The following PIEZO2 variants were observed in gnomAD, a reference collection of about 807,000 sequenced individuals.
The protein encoded by PIEZO2 is piezo-type mechanosensitive ion channel component 2.
A neutral mutation model predicts 337.3 loss-of-function variants in PIEZO2; 172 were observed. That is an observed-to-expected ratio of 0.51 (90% confidence interval 0.45 to 0.58). The LOEUF is 0.58. Ranked by LOEUF, PIEZO2 falls within the 20% of genes least tolerant of loss-of-function variation. The probability of loss-of-function intolerance (pLI) is 0.00; values close to 1 mark genes in which losing one functional copy is unlikely to be tolerated. For synonymous variants in PIEZO2, 1,251 were observed against 1,228.5 expected (o/e 1.02, Z -0.38); for missense variants, 3,028 against 3,391.3 (o/e 0.89, Z 2.66).
intron 35 of PIEZO2, among the ~76,000 whole-genome samples, chr18:10,734,626 T>C (rs1346076620): frequency 6.6e-6 from 1 of 152,230 alleles, no homozygotes; most frequent in Non-Finnish European, 1.5e-5. Context: ...CATAGGTAGC[T>C]GAATAACTTC....
intron 45 of PIEZO2, 146 bp downstream of exon 45, chr18:10,697,602 A>C: frequency 9.2e-7 from 1 of 1,081,882 alleles, no homozygotes; most frequent in East Asian, 2.6e-5. Flanking sequence ...AAAACAAGAC[A>C]AAAAGGGGTA....
chr18:11,085,506 C>T (rs2038879320), intron 1 of PIEZO2, among the ~76,000 whole-genome samples: 1 of 152,290 alleles, frequency 6.6e-6, no homozygotes, highest in East Asian at 1.9e-4. Flanking sequence ...CATTTGCTGA[C>T]CAAGCTTCTC....
At position 10,929,699 on chromosome 18, in the gene PIEZO2, A is replaced by G. The variant is rs965798579; in HGVS notation, c.287-18471T>C. On this transcript the variant is annotated intron_variant, in intron 3 of 55. Transcript: ENST00000674853. The surrounding 1 kb of genome is among the most constrained non-coding windows in gnomAD (Gnocchi z 5.6). ...AGTGTTTAATGGAGTTTGATACAAT[A>G]GAGCAGATGGACGGAATGTTAGAAT... Among the ~76,000 whole-genome samples the G allele has an allele frequency of 6.6e-6, 1 of 152,238 alleles. No homozygotes were observed. Among genetic ancestry groups the G allele is most frequent in the Non-Finnish European group, 1.5e-5 (1 of 68,042 alleles).
At chr18:10,770,423 G>A in intron 20 of PIEZO2, 115 bp from the exon 21 acceptor site, 1 of 1,105,864 alleles carries the variant, frequency 9.0e-7, no homozygotes. Flanking sequence ...TACAGTGGAT[G>A]AATTCTAAGA....
rs1487617535 is a variant in PIEZO2, at chr18:10,758,122, A to G, written c.3770T>C (p.Leu1257Pro). Reference sequence around the variant, plus strand: ...CCGTTGTAAGGAGGCACACAGAAGCAGCATGAAGTCATCTAACAAGACAGA... The same window carrying G: ...CCGTTGTAAGGAGGCACACAGAAGCGGCATGAAGTCATCTAACAAGACAGA... ...NPVFLVYDFM[L>P]LLCASLQRQI... Residue 1257 changes from leucine (L) to proline (P), a missense_variant, in exon 27 of 56, where the codon CTG (leucine) becomes CCG (proline). Physicochemically the swap from Leu to Pro is moderately conservative, Grantham distance 98. Coordinates refer to ENST00000674853, the MANE Select transcript of PIEZO2 (RefSeq NM_001378183.1). 1 of 1,537,438 alleles carries G rather than the reference A, an allele frequency of 6.5e-7. No individual in the cohort carries two copies. The highest frequency in any genetic ancestry group is 2.4e-5 in the East Asian group (1 of 40,918).
At position 10,783,923 on chromosome 18, in the gene PIEZO2, A is replaced by G. The variant is rs1416043674; in HGVS notation, c.2492+861T>C. The stretch of plus-strand genomic sequence containing the variant: ...ATCATGAACTCCTACTTCATCTTCT[A>G]TTGATACCTGCATTTTTTCCCTTAA... On this transcript the variant is annotated intron_variant, in intron 17 of 55. Transcript: ENST00000674853. This position sits in a 1 kb window ranked among gnomAD's most constrained non-coding sequence, Gnocchi z 4.3. Among the ~76,000 whole-genome samples, 2 of 152,236 alleles carry G rather than the reference A, an allele frequency of 1.3e-5. No individual in the cohort carries two copies. The highest frequency in any genetic ancestry group is 2.4e-5 in the African/African-American group (1 of 41,464).
At chr18:10,680,431 A>G in intron 51 of PIEZO2, 60 bp from the exon 52 acceptor site, 1 of 1,459,530 alleles carries the variant, frequency 6.9e-7, no homozygotes, top group Non-Finnish European at 9.4e-7. Context: ...GTATAAAGAA[A>G]GCAGTCACTC....
chr18:10,841,891 T>C (rs182170784), intron 7 of PIEZO2, among the ~76,000 whole-genome samples: 1 of 152,182 alleles, frequency 6.6e-6, no homozygotes, highest in African/African-American at 2.4e-5. Context: ...ACGCAGGGCG[T>C]GGTGGCTCAC....
At chr18:10,801,578 G>A (rs1257838940) in intron 9 of PIEZO2, 150 bp from the exon 10 acceptor site, 4 of 701,464 alleles carry the variant, frequency 5.7e-6, no homozygotes, top group Non-Finnish European at 9.5e-6. Flanking sequence ...AATATAAAAG[G>A]ACAAATAAAT....
chr18:10,742,110 T>C (rs959791920), intron 32 of PIEZO2, among the ~76,000 whole-genome samples: 1 of 151,948 alleles, frequency 6.6e-6, no homozygotes, highest in Non-Finnish European at 1.5e-5. Flanking sequence ...AGCCGAGATC[T>C]CGCCACTGCA....
intron 39 of PIEZO2, among the ~76,000 whole-genome samples, chr18:10,712,912 A>C (rs933580244): frequency 7.9e-5 from 12 of 152,214 alleles, no homozygotes; most frequent in Admixed American, 7.8e-4. Context: ...CTTTCCATAA[A>C]AATATACAAT....
chr18:11,139,465 C>A (rs552290545), intron 1 of PIEZO2, among the ~76,000 whole-genome samples: 1 of 152,054 alleles, frequency 6.6e-6, no homozygotes. Context: ...CCCCTAATTG[C>A]CCAGTGATAT....
chr18:10,804,382 A>T (rs2144303616), intron 8 of PIEZO2, among the ~76,000 whole-genome samples: 1 of 152,344 alleles, frequency 6.6e-6, no homozygotes, highest in East Asian at 1.9e-4. Context: ...TTAAGACTGG[A>T]TGTATTGAAG....
rs561657519 is a variant in PIEZO2, at chr18:11,114,960, T to C, written c.64+33565A>G. Among the ~76,000 whole-genome samples, 5 of 152,346 alleles carry C rather than the reference T, an allele frequency of 3.3e-5. No individual in the cohort carries two copies. The South Asian group carries it at 6.2e-4, about 19-fold the overall frequency. On this transcript the variant is annotated intron_variant, in intron 1 of 55. Transcript: ENST00000674853. The stretch of plus-strand genomic sequence containing the variant: ...CTTTGAACTAAATAGGCAAGCAGTG[T>C]TGATATCATCTAAATCTGGTTATAA...
chr18:10,871,163 T>C (rs933574022), intron 5 of PIEZO2, 90 bp downstream of exon 5: 78 of 1,291,156 alleles, frequency 6.0e-5, no homozygotes, highest in Non-Finnish European at 7.6e-5. Context: ...GTGCTCTGTA[T>C]GCTCAGCTGT....
At position 11,077,333 on chromosome 18, in the gene PIEZO2, A is replaced by G. The variant is rs920522337; in HGVS notation, c.65-11111T>C. ...GCATTTGTAGACTGGAGGACTTGGT[A>G]GCTTGCTTTGGTTTGTGTCATGGTA... On this transcript the variant is annotated intron_variant, in intron 1 of 55. Coordinates refer to ENST00000674853, the MANE Select transcript of PIEZO2 (RefSeq NM_001378183.1). This position sits in a 1 kb window ranked among gnomAD's most constrained non-coding sequence, Gnocchi z 4.8. 2.0e-5 allele frequency among the ~76,000 whole-genome samples: 3 copies of G among 152,174 alleles called. No individual in the cohort carries two copies. The highest frequency in any genetic ancestry group is 7.2e-5 in the African/African-American group (3 of 41,442).
intron 23 of PIEZO2, among the ~76,000 whole-genome samples, chr18:10,761,503 G>T (rs111448981): frequency 0.011 from 1,609 of 152,322 alleles, 14 homozygotes; most frequent in Middle Eastern, 0.024. Context: ...ACGGGAAGCT[G>T]CTTAGGGGGA....
In PIEZO2 at chr18:10,859,801, A is replaced by G. The variant is rs972262756; in HGVS notation, c.493-2590T>C. Among the ~76,000 whole-genome samples the G allele has an allele frequency of 6.6e-6, 1 of 152,194 alleles. No individual in the cohort carries two copies. The highest frequency in any genetic ancestry group is 1.5e-5 in the Non-Finnish European group (1 of 68,036). ...AGGCACACATGATTTGCTTTGCCAC[A>G]TAACTCTAGTTGCTCCTGGGGCGGA... is the stretch of plus-strand genomic sequence containing the variant. On this transcript the variant is annotated intron_variant, in intron 5 of 55. Transcript: ENST00000674853. The surrounding 1 kb of genome is among the most constrained non-coding windows in gnomAD (Gnocchi z 4.9).
chr18:11,088,798 G>T (rs1171802419), intron 1 of PIEZO2, among the ~76,000 whole-genome samples: 1 of 152,076 alleles, frequency 6.6e-6, no homozygotes, highest in East Asian at 1.9e-4. Flanking sequence ...AAGGCAGAAG[G>T]GCATCTTAGT....
Sources: allele counts gnomAD v4.1 joint callset (sites outside exome capture counted in the v4.1 genomes callset), GRCh38; gene constraint gnomAD v4.1.1; non-coding constraint Gnocchi (gnomAD v3.1); transcripts MANE v1.5; gene names NCBI Gene and HGNC (gene_info 2026-07-23, HGNC 2026-07-21).